AGBL1: variants seen among roughly 807,000 people sequenced by gnomAD.
AGBL1 encodes cytosolic carboxypeptidase 4.
AGBL1 carries 130 observed loss-of-function variants against 118.9 expected under a neutral mutation model. That is an observed-to-expected ratio of 1.09 (90% CI 0.95 to 1.26). The LOEUF is 1.26. Ranked by LOEUF, AGBL1 falls within the 50% of genes most tolerant of loss-of-function variation. The probability of loss-of-function intolerance (pLI) is 0.00; values close to 1 mark genes in which losing one functional copy is unlikely to be tolerated. For missense variants in AGBL1, 1,584 were observed against 1,298.1 expected (o/e 1.22, Z -3.38); for synonymous variants, 555 against 478.9 (o/e 1.16, Z -2.08).
At chr15:86,322,122 C>T (rs1333822589) in intron 17 of AGBL1, among the ~76,000 whole-genome samples, 2 of 150,156 alleles carry the variant, frequency 1.3e-5, no homozygotes, top group African/African-American at 2.5e-5. Context: ...TGTGTACTTT[C>T]CAGCTATTGG....
chr15:86,568,407 G>GTCTCCTA (rs2083949789), intron 21 of AGBL1, among the ~76,000 whole-genome samples: 1 of 152,102 alleles, frequency 6.6e-6, no homozygotes. Context: ...GATCTCTAGA[G>GTCTCCTA]GGCCCTTCAC....
At chr15:86,987,119 G>A (rs1239365665) in intron 23 of AGBL1, among the ~76,000 whole-genome samples, 1 of 152,036 alleles carries the variant, frequency 6.6e-6, no homozygotes, top group Non-Finnish European at 1.5e-5. Context: ...CTTTTGTGGT[G>A]GAATGTCATC....
Position 86,907,301 on chromosome 15 carries a change from G to A in AGBL1, c.*7G>A, listed in dbSNP as rs1459873345. On this transcript the variant is annotated 3_prime_UTR_variant, in exon 23 of 23. Transcript: ENST00000614907. ...AGGAGAAGCCATCCCATAGCCCCGA[G>A]GTTCACAGCAAGTTCTGTGTCTCCA... 1 of 152,292 alleles carries A rather than the reference G, an allele frequency of 6.6e-6. No homozygotes were observed. The allele number at this position is 152,292 out of a possible 1,614,324, so 9.4% of individuals were successfully genotyped here.
intron 5 of AGBL1, among the ~76,000 whole-genome samples, chr15:86,219,049 A>G (rs549863555): frequency 1.3e-5 from 2 of 152,228 alleles, no homozygotes; most frequent in Non-Finnish European, 2.9e-5. Flanking sequence ...TGGCATTGCT[A>G]TATCTAGGCC....
chr15:86,426,311 C>A (rs1444675650), intron 18 of AGBL1, among the ~76,000 whole-genome samples: 1 of 152,146 alleles, frequency 6.6e-6, no homozygotes, highest in East Asian at 1.9e-4. Flanking sequence ...AATCTAGAAC[C>A]TTTGTTACCA....
At chr15:86,319,515 T>C (rs1443453992) in intron 17 of AGBL1, among the ~76,000 whole-genome samples, 1 of 152,144 alleles carries the variant, frequency 6.6e-6, no homozygotes, top group Non-Finnish European at 1.5e-5. Flanking sequence ...GGTTTGTCTT[T>C]CTCTCACATT....
At chr15:86,578,977 C>T (rs975111818) in intron 21 of AGBL1, among the ~76,000 whole-genome samples, 2 of 152,194 alleles carry the variant, frequency 1.3e-5, no homozygotes, top group Non-Finnish European at 2.9e-5. Context: ...AGCTAATCCT[C>T]ATTTTCACCA....
chr15:86,973,560 A>G (rs1262658099), intron 23 of AGBL1, among the ~76,000 whole-genome samples: 1 of 151,964 alleles, frequency 6.6e-6, no homozygotes, highest in Non-Finnish European at 1.5e-5. Flanking sequence ...GCTGTCAATC[A>G]TCCAAAAGCA....
At chr15:86,389,481 C>A (rs1051368995) in intron 17 of AGBL1, among the ~76,000 whole-genome samples, 1 of 152,006 alleles carries the variant, frequency 6.6e-6, no homozygotes, top group Non-Finnish European at 1.5e-5. Context: ...ATCAGAAGTG[C>A]ATATGTTCAC....
At chr15:86,887,296 G>T (rs143654894) in intron 22 of AGBL1, among the ~76,000 whole-genome samples, 1 of 151,458 alleles carries the variant, frequency 6.6e-6, no homozygotes, top group Non-Finnish European at 1.5e-5. Context: ...CTATCAAATC[G>T]ATCTATCTTG....
intron 19 of AGBL1, among the ~76,000 whole-genome samples, chr15:86,542,437 G>A (rs1393161612): frequency 2.7e-5 from 4 of 148,876 alleles, no homozygotes; most frequent in African/African-American, 1.0e-4. Context: ...CACGATCTCG[G>A]CTCACTGCAA....
At chr15:86,564,230 G>A (rs1424502834) in intron 21 of AGBL1, among the ~76,000 whole-genome samples, 1 of 152,118 alleles carries the variant, frequency 6.6e-6, no homozygotes, top group Non-Finnish European at 1.5e-5. Context: ...TAGCATCGAT[G>A]GTCTTTACAA....
At chr15:86,303,673 C>CTCAA (rs2079791184) in intron 17 of AGBL1, among the ~76,000 whole-genome samples, 2 of 152,040 alleles carry the variant, frequency 1.3e-5, no homozygotes, top group Admixed American at 6.6e-5. Flanking sequence ...ACCTAATTTT[C>CTCAA]TCAATCAGCA....
At chr15:86,110,558 A>AG (rs1383134981) in intron 1 of AGBL1, among the ~76,000 whole-genome samples, 1 of 152,076 alleles carries the variant, frequency 6.6e-6, no homozygotes, top group Non-Finnish European at 1.5e-5. Flanking sequence ...GGGGTGGCAG[A>AG]GGGGGAAGAA....
At chr15:86,922,336 G>C (rs2080489348) in intron 23 of AGBL1, among the ~76,000 whole-genome samples, 1 of 152,190 alleles carries the variant, frequency 6.6e-6, no homozygotes, top group African/African-American at 2.4e-5. Context: ...TGTCACCCAG[G>C]CTGGAGTGCA....
At chr15:86,102,635 C>T (rs536170806) in intron 1 of AGBL1, among the ~76,000 whole-genome samples, 2 of 152,184 alleles carry the variant, frequency 1.3e-5, no homozygotes, top group Non-Finnish European at 2.9e-5. Context: ...TGTAAGGTTT[C>T]TGTTGAGAAA....
chr15:86,588,886 C>T (rs80204360), intron 21 of AGBL1, among the ~76,000 whole-genome samples: 10 of 152,222 alleles, frequency 6.6e-5, no homozygotes, highest in East Asian at 5.8e-4. Flanking sequence ...ATGGCAAATA[C>T]GTGTTATCAA....
chr15:86,544,418 T>C (rs1326522161), intron 19 of AGBL1, among the ~76,000 whole-genome samples: 1 of 152,204 alleles, frequency 6.6e-6, no homozygotes, highest in African/African-American at 2.4e-5. Context: ...CAAAAGATGC[T>C]ACATAGCTGT....
chr15:86,614,894 G>T lies in AGBL1; in HGVS notation c.2995-59379G>T, dbSNP rs1324694472. 3.9e-5 allele frequency among the ~76,000 whole-genome samples: 6 copies of T among 152,324 alleles called. No individual in the cohort carries two copies. In the East Asian group the frequency reaches 9.6e-4, roughly 24 times the overall value. ...ACAGTAACTTTATGGCCTATTGGAG[G>T]CTTCTTTCTGAAGGTGACAACCAAA... On this transcript the variant is annotated intron_variant, in intron 21 of 22. Transcript: ENST00000614907.
Sources: allele counts gnomAD v4.1 joint callset (sites outside exome capture counted in the v4.1 genomes callset), GRCh38; gene constraint gnomAD v4.1.1; transcripts MANE v1.5; gene names NCBI Gene and HGNC (gene_info 2026-07-23, HGNC 2026-07-21).